MAP3K12: variants seen among roughly 807,000 people sequenced by gnomAD.
MAP3K12 encodes the protein MAPK-upstream kinase.
Under a neutral mutation model 87.5 loss-of-function variants are expected in MAP3K12, and 14 were observed. That is an observed-to-expected ratio of 0.16 (90% CI 0.11 to 0.25). The LOEUF (loss-of-function observed/expected upper bound fraction) is 0.25, where lower values mean the gene tolerates loss of function less well. Among genes scored for constraint, MAP3K12 ranks in the 10% least tolerant of loss-of-function variants. The pLI is 1.00. For synonymous variants in MAP3K12, 469 were observed against 452.5 expected (o/e 1.04, Z -0.46); for missense variants, 802 against 1,140.4 (o/e 0.70, Z 4.27).
upstream of MAP3K12, chr12:53,501,244 A>T: frequency 1.4e-6 from 1 of 705,458 alleles, no homozygotes; most frequent in Non-Finnish European, 2.4e-6. Context: ...CTCCAGATGG[A>T]GGCTCACGAA....
intron 13 of MAP3K12, chr12:53,481,740 T>C (rs1490074215): frequency 3.3e-6 from 2 of 598,564 alleles, no homozygotes; most frequent in Non-Finnish European, 5.7e-6. Flanking sequence ...GGCTGCAATT[T>C]ATAGCTACAT....
At chr12:53,491,294 A>AAAAAAAAAG (rs1943393377) in intron 1 of MAP3K12, among the ~76,000 whole-genome samples, 1 of 147,882 alleles carries the variant, frequency 6.8e-6, no homozygotes, top group African/African-American at 2.5e-5. Context: ...TCTCAAAAAA[A>AAAAAAAAAG]AAAAAAAAAA....
intron 1 of MAP3K12, among the ~76,000 whole-genome samples, chr12:53,496,497 G>A (rs1943552100): frequency 6.6e-6 from 1 of 152,234 alleles, no homozygotes; most frequent in South Asian, 2.1e-4. Context: ...GGGAGGGCAA[G>A]AGCAGGGTAG....
Position 53,487,431 on chromosome 12 carries a change from G to A in MAP3K12, c.-37-3C>T, listed in dbSNP as rs749910345. 3 of 1,563,294 alleles carry A rather than the reference G, an allele frequency of 1.9e-6. No individual in the cohort carries two copies. In the African/African-American group the frequency reaches 4.1e-5, roughly 21 times the overall value. ...GGTATGATGGTGAACACTGGGCCCT[G>A]TGGGAATGAAGGAAGGAGGGGCTGG... On this transcript the variant is annotated splice_region_variant and splice_polypyrimidine_tract_variant and intron_variant, in intron 1 of 13. Transcript: ENST00000547488.
chr12:53,485,616 C>G, intron 4 of MAP3K12, 141 bp from the exon 5 acceptor site: 1 of 923,658 alleles, frequency 1.1e-6, no homozygotes, highest in East Asian at 2.5e-5. Flanking sequence ...AGTGCAGTGG[C>G]TCAATCTCGG....
At chr12:53,491,301 A>AAAAAAAAAAAAAAAAAGAAAAAG (rs796169121) in intron 1 of MAP3K12, among the ~76,000 whole-genome samples, 8 of 101,564 alleles carry the variant, frequency 7.9e-5, no homozygotes, top group Non-Finnish European at 1.3e-4. Context: ...AAAAAAAAAA[A>AAAAAAAAAAAAAAAAAGAAAAAG]AAAAGAAAAG....
rs199555126 is a variant in MAP3K12, at chr12:53,483,562, C to T, written c.1475+45G>A. ...CCCAGTCTCAGTAGGACCTCTAAGG[C>T]AGGCACAGCTCCAGGGCTTGGTGCA... On this transcript the variant is annotated intron_variant, in intron 9 of 13. Coordinates refer to ENST00000547488, the MANE Select transcript of MAP3K12 (RefSeq NM_001193511.2). 5 of 1,613,666 alleles carry T rather than the reference C, an allele frequency of 3.1e-6. No homozygotes were observed. The East Asian group carries it at 1.1e-4, about 36-fold the overall frequency.
intron 6 of MAP3K12, 113 bp from the exon 7 acceptor site, chr12:53,484,478 C>CT: frequency 1.4e-6 from 1 of 715,808 alleles, no homozygotes; most frequent in East Asian, 2.7e-5. Context: ...AGAATGTACT[C>CT]TGTGACAAAA....
chr12:53,490,201 G>C (rs761648599), intron 1 of MAP3K12, among the ~76,000 whole-genome samples: 2 of 152,130 alleles, frequency 1.3e-5, no homozygotes, highest in Non-Finnish European at 2.9e-5. Context: ...CTACTCAGGA[G>C]GCTGAGGCAC....
chr12:53,491,301 A>AAAAAAAAAAAAAAAAAAAAAAAGAAAAAG, intron 1 of MAP3K12, among the ~76,000 whole-genome samples: 1 of 101,564 alleles, frequency 9.8e-6, no homozygotes, highest in Admixed American at 1.3e-4. Context: ...AAAAAAAAAA[A>AAAAAAAAAAAAAAAAAAAAAAAGAAAAAG]AAAAGAAAAG....
At chr12:53,496,480 G>A (rs1386527190) in intron 1 of MAP3K12, among the ~76,000 whole-genome samples, 4 of 152,164 alleles carry the variant, frequency 2.6e-5, no homozygotes, top group East Asian at 1.9e-4. Context: ...TGGAGGCCTC[G>A]GGGAAGGGGA....
At chr12:53,483,240 A>G in intron 10 of MAP3K12, 51 bp from the exon 11 acceptor site, 2 of 1,546,204 alleles carry the variant, frequency 1.3e-6, no homozygotes, top group Non-Finnish European at 1.7e-6. Flanking sequence ...CTATGTACTC[A>G]AAGCACTCCC....
chr12:53,488,939 G>T (rs1943322703), intron 1 of MAP3K12, among the ~76,000 whole-genome samples: 1 of 150,972 alleles, frequency 6.6e-6, no homozygotes, highest in Admixed American at 6.6e-5. Flanking sequence ...AATTAGCTGG[G>T]CGTGGTGGTG....
Position 53,485,096 on chromosome 12 carries a change from T to C in MAP3K12, c.1099A>G (p.Ser367Gly). The change falls in exon 6 of 14, where the codon AGT (serine) becomes GGT (glycine). Residue 367 changes from serine to glycine, a missense_variant. By Grantham distance (56) the Ser-to-Gly change is moderately conservative (BLOSUM62 0). Around this residue, in one of 5 missense-constraint regions of MAP3K12, gnomAD observed 99 missense variants for 193.4 expected, o/e 0.51. Coordinates refer to ENST00000547488, the MANE Select transcript of MAP3K12 (RefSeq NM_001193511.2). ...AGGATCTTGAAACCATCTGGGCAAC[T>C]GGAGGGCACGGGCAGATGGAGACTG... ...SNSLHLPVPS[S>G]CPDGFKILLR... The C allele has an allele frequency of 6.2e-7, 1 of 1,614,192 alleles. No individual in the cohort carries two copies.
chr12:53,490,821 G>A (rs1471840220), intron 1 of MAP3K12, among the ~76,000 whole-genome samples: 1 of 152,094 alleles, frequency 6.6e-6, no homozygotes, highest in African/African-American at 2.4e-5. Context: ...TGAGGTGGGA[G>A]GATACCTTGA....
Position 53,483,913 on chromosome 12 carries a change from G to A in MAP3K12, c.1356C>T (p.Leu452=). The change falls in exon 8 of 14, where the codon CTC becomes CTT. Residue 452 remains leucine, a splice_region_variant and synonymous_variant. Transcript: ENST00000547488. ...CCTCCCCAAGCACGGGAACTCACCT[G>A]AGCTCCTCCCTCCTCCTCATCACCA... ...EELVMRRREE[L]RHALDIREHY... 6.2e-7 allele frequency: 1 copy of A among 1,614,088 alleles called. No homozygotes were observed. The highest frequency in any genetic ancestry group is 1.3e-5 in the African/African-American group (1 of 75,014).
Position 53,482,863 on chromosome 12 carries a change from A to G in MAP3K12, c.1940T>C (p.Leu647Pro). 3 of 1,613,080 alleles carry G rather than the reference A, an allele frequency of 1.9e-6. No individual in the cohort carries two copies. The highest frequency in any genetic ancestry group is 2.5e-6 in the Non-Finnish European group (3 of 1,179,670). The part of the protein sequence containing the change: ...RKMSSSSPDL[L>P]SAALGSRGRG... ...GCCCCGGGACCCTAGTGCTGCTGAC[A>G]GCAGGTCTGGGGACGATGAAGACAT... The change falls in exon 11 of 14, where the codon CTG (leucine) becomes CCG (proline). Residue 647 changes from leucine (L) to proline (P), a missense_variant. This residue lies in a region of MAP3K12 where 490 missense variants were observed against 496.6 expected (regional missense o/e 0.99). Transcript: ENST00000547488.
upstream of MAP3K12, chr12:53,499,655 T>A (rs1232084378): frequency 8.1e-6 from 1 of 123,750 alleles, no homozygotes; most frequent in Non-Finnish European, 1.7e-5. Context: ...CCTGCTCGGC[T>A]TGAACTCCCG....
chr12:53,482,247 G>GC (rs1943076701), intron 12 of MAP3K12, 36 bp from the exon 13 acceptor site: 1 of 1,614,034 alleles, frequency 6.2e-7, no homozygotes. Flanking sequence ...GCTTGGTTCT[G>GC]CCCCTAGCAG....
Sources: allele counts gnomAD v4.1 joint callset (sites outside exome capture counted in the v4.1 genomes callset), GRCh38; gene constraint gnomAD v4.1.1; regional missense constraint gnomAD v4.1.1; transcripts MANE v1.5; gene names NCBI Gene and HGNC (gene_info 2026-07-23, HGNC 2026-07-21).